The following ZNF407 variants were observed in gnomAD, a reference collection of about 807,000 sequenced individuals.
The protein encoded by ZNF407 is zinc finger protein 407.
ZNF407 carries 17 observed loss-of-function variants against 131.2 expected under a neutral mutation model. That is an observed-to-expected ratio of 0.13 (90% confidence interval 0.09 to 0.19). The LOEUF (loss-of-function observed/expected upper bound fraction) is 0.19. ZNF407 is among the 10% of genes least tolerant of loss of function. The pLI is 1.00. For synonymous variants in ZNF407, 1,156 were observed against 1,062.0 expected, an observed-to-expected ratio of 1.09 and a Z score of -1.72; for missense variants, 2,681 against 2,830.6, an observed-to-expected ratio of 0.95 and a Z score of 1.20.
chr18:74,951,370 T>A (rs1972212047), intron 8 of ZNF407, among the ~76,000 whole-genome samples: 1 of 152,218 alleles, frequency 6.6e-6, no homozygotes, highest in Non-Finnish European at 1.5e-5. Flanking sequence ...GTTTCTTGAC[T>A]CATTAAGTCA....
intron 3 of ZNF407, among the ~76,000 whole-genome samples, chr18:74,673,637 T>G (rs1986241387): frequency 6.6e-6 from 1 of 152,218 alleles, no homozygotes; most frequent in Non-Finnish European, 1.5e-5. Context: ...GACTGTGCTT[T>G]TCACATTTAG....
At chr18:75,006,692 T>C (rs1972914547) in intron 8 of ZNF407, among the ~76,000 whole-genome samples, 1 of 152,220 alleles carries the variant, frequency 6.6e-6, no homozygotes, top group Non-Finnish European at 1.5e-5. Context: ...CTTTGATAAA[T>C]GTTTCATCTG....
intron 8 of ZNF407, among the ~76,000 whole-genome samples, chr18:74,983,189 T>C (rs1487857761): frequency 6.6e-6 from 1 of 152,220 alleles, no homozygotes; most frequent in East Asian, 1.9e-4. Context: ...TAAATCAGTT[T>C]TGCGATTTGA....
intron 3 of ZNF407, among the ~76,000 whole-genome samples, chr18:74,702,406 G>A (rs1967519732): frequency 6.6e-6 from 1 of 152,022 alleles, no homozygotes; most frequent in Admixed American, 6.6e-5. Flanking sequence ...TTTATAAAGT[G>A]AGATAAATAT....
intron 8 of ZNF407, among the ~76,000 whole-genome samples, chr18:74,948,967 G>T (rs1358692083): frequency 6.6e-6 from 1 of 152,188 alleles, no homozygotes; most frequent in Non-Finnish European, 1.5e-5. Context: ...TGTGTAAAAA[G>T]AAAGGACAAT....
intron 8 of ZNF407, among the ~76,000 whole-genome samples, chr18:74,936,175 C>CT (rs1283601346): frequency 1.3e-5 from 2 of 151,990 alleles, no homozygotes; most frequent in Non-Finnish European, 2.9e-5. Flanking sequence ...TTTTAAATAT[C>CT]TTTTTTACAT....
intron 1 of ZNF407, among the ~76,000 whole-genome samples, chr18:74,606,078 C>T (rs1013915130): frequency 2.6e-5 from 4 of 152,202 alleles, no homozygotes; most frequent in Admixed American, 6.5e-5. Flanking sequence ...GGATCACTAG[C>T]GGCGGGCCTG....
chr18:74,927,085 T>TC (rs1353160416), intron 8 of ZNF407, among the ~76,000 whole-genome samples: 1 of 152,226 alleles, frequency 6.6e-6, no homozygotes, highest in Non-Finnish European at 1.5e-5. Context: ...TTTTACCTTT[T>TC]CAATTACAAA....
At chr18:74,889,440 A>G (rs1022673596) in intron 6 of ZNF407, among the ~76,000 whole-genome samples, 1 of 152,014 alleles carries the variant, frequency 6.6e-6, no homozygotes, top group Non-Finnish European at 1.5e-5. Context: ...GTTGCTTCTG[A>G]CACTTTTTAA....
intron 4 of ZNF407, among the ~76,000 whole-genome samples, chr18:74,797,463 G>A (rs1969941273): frequency 6.6e-6 from 1 of 152,212 alleles, no homozygotes; most frequent in African/African-American, 2.4e-5. Context: ...ACAGATGACA[G>A]GCTGTCGACA....
intron 3 of ZNF407, among the ~76,000 whole-genome samples, chr18:74,760,997 C>G (rs1969082522): frequency 1.3e-5 from 2 of 152,146 alleles, no homozygotes; most frequent in African/African-American, 4.8e-5. Flanking sequence ...GAGGACCTCA[C>G]TTTCCCATTC....
At chr18:74,980,742 A>T (rs74870449) in intron 8 of ZNF407, among the ~76,000 whole-genome samples, 1,585 of 152,250 alleles carry the variant, frequency 0.01, 30 homozygotes, top group African/African-American at 0.035. Flanking sequence ...TTTACATAAG[A>T]ATATGTTGCC....
At chr18:75,011,619 C>G (rs536668488) in intron 8 of ZNF407, among the ~76,000 whole-genome samples, 1 of 151,996 alleles carries the variant, frequency 6.6e-6, no homozygotes, top group Non-Finnish European at 1.5e-5. Context: ...TCAGAAAACA[C>G]TTGTCAGTAT....
At chr18:74,657,034 T>G (rs1985489588) in intron 3 of ZNF407, among the ~76,000 whole-genome samples, 1 of 152,056 alleles carries the variant, frequency 6.6e-6, no homozygotes, top group African/African-American at 2.4e-5. Flanking sequence ...TTTGTAGGTG[T>G]GTTTTTATTT....
At chr18:74,693,034 T>A (rs1397092463) in intron 3 of ZNF407, among the ~76,000 whole-genome samples, 1 of 152,254 alleles carries the variant, frequency 6.6e-6, no homozygotes, top group African/African-American at 2.4e-5. Flanking sequence ...AGCTGTTGAC[T>A]GAGTGCCCTG....
intron 8 of ZNF407, among the ~76,000 whole-genome samples, chr18:75,043,077 G>C (rs1265626325): frequency 1.3e-5 from 2 of 152,188 alleles, no homozygotes; most frequent in Non-Finnish European, 2.9e-5. Context: ...GATGTGGTGA[G>C]AAATTGCCAA....
intron 8 of ZNF407, among the ~76,000 whole-genome samples, chr18:74,946,231 C>G (rs974474607): frequency 2.6e-5 from 4 of 152,172 alleles, no homozygotes; most frequent in Admixed American, 6.5e-5. Flanking sequence ...TTTAGAGAAT[C>G]ATTTTCAGGT....
At chr18:74,655,295 C>T (rs891171165) in intron 3 of ZNF407, among the ~76,000 whole-genome samples, 2 of 151,916 alleles carry the variant, frequency 1.3e-5, no homozygotes, top group Non-Finnish European at 2.9e-5. Context: ...ATGCAACACA[C>T]AAATATACAT....
chr18:74,803,082 T>C (rs1370054583), intron 4 of ZNF407, among the ~76,000 whole-genome samples: 2 of 152,138 alleles, frequency 1.3e-5, no homozygotes, highest in East Asian at 3.8e-4. Flanking sequence ...TCCAGGGTGG[T>C]AGCTAATGAG....
Sources: gnomAD v4.1 joint callset for allele counts (sites outside exome capture counted in the v4.1 genomes callset) on GRCh38, gnomAD v4.1.1 for gene constraint, MANE v1.5 for transcripts, NCBI Gene and HGNC (gene_info 2026-07-23, HGNC 2026-07-21) for gene names.